CLHC1: variants seen among roughly 807,000 people sequenced by gnomAD.
CLHC1 encodes clathrin heavy chain linker domain-containing protein 1.
In CLHC1, 72 loss-of-function variants were observed where a neutral mutation model predicts 69.5. That is an observed-to-expected ratio of 1.04 (90% CI 0.86 to 1.26). The LOEUF is 1.26. CLHC1 is among the 50% of genes most tolerant of loss of function. The probability of loss-of-function intolerance (pLI) is 0.00; values close to 1 mark genes in which losing one functional copy is unlikely to be tolerated. For synonymous variants in CLHC1, 223 were observed against 224.3 expected (o/e 0.99, Z 0.05); for missense variants, 790 against 679.3 (o/e 1.16, Z -1.81).
At position 55,222,469 on chromosome 2, in the gene CLHC1, C is replaced by T. The variant is rs1674228693; in HGVS notation, c.-58G>A. On this transcript the variant is annotated 5_prime_UTR_variant, in exon 3 of 13. Transcript: ENST00000401408. ...ACAGCTAAATCTTGACCTGCTCTTGCAACAAAGCCAAAACTTTGATAAGCC... is the reference window on the plus strand; with the variant it reads ...ACAGCTAAATCTTGACCTGCTCTTGTAACAAAGCCAAAACTTTGATAAGCC... 4 of 1,319,200 alleles carry T rather than the reference C, an allele frequency of 3.0e-6. No homozygotes were observed. Among genetic ancestry groups the T allele is most frequent in the Non-Finnish European group, 4.1e-6 (4 of 964,996 alleles). 81.7% of individuals were successfully genotyped at this position (1,319,200 alleles called of 1,614,324 possible).
chr2:55,199,549 TATAG>T (rs1456340285), intron 9 of CLHC1, among the ~76,000 whole-genome samples: 1 of 152,028 alleles, frequency 6.6e-6, no homozygotes, highest in African/African-American at 2.4e-5. Flanking sequence ...TACAATAAGA[TATAG>T]ATAGAAACAA....
At chr2:55,196,181 G>T (rs944253907) in intron 9 of CLHC1, among the ~76,000 whole-genome samples, 17 of 152,188 alleles carry the variant, frequency 1.1e-4, no homozygotes, top group African/African-American at 4.1e-4. Context: ...CAGCAGGTTG[G>T]AATTTGAGTT....
At chr2:55,200,135 G>A (rs1671799864) in intron 9 of CLHC1, among the ~76,000 whole-genome samples, 1 of 149,470 alleles carries the variant, frequency 6.7e-6, no homozygotes, top group East Asian at 2.0e-4. Flanking sequence ...GAGTGAGATG[G>A]TAGGATCACT....
intron 10 of CLHC1, among the ~76,000 whole-genome samples, chr2:55,181,093 G>A (rs1387660901): frequency 1.3e-5 from 2 of 152,092 alleles, no homozygotes; most frequent in Non-Finnish European, 2.9e-5. Flanking sequence ...CGATTCTCCT[G>A]CCTCAGCTTC....
chr2:55,217,124 G>T (rs1320214043), intron 4 of CLHC1, among the ~76,000 whole-genome samples: 1 of 152,098 alleles, frequency 6.6e-6, no homozygotes, highest in Non-Finnish European at 1.5e-5. Context: ...GTACCTGGGA[G>T]GCAGAGGTGG....
At chr2:55,229,863 C>T (rs1385638585) in intron 1 of CLHC1, among the ~76,000 whole-genome samples, 2 of 152,180 alleles carry the variant, frequency 1.3e-5, no homozygotes. Context: ...CACCTGACGT[C>T]GGGAGTTCCA....
Position 55,174,222 on chromosome 2 carries a change from C to A in CLHC1, c.*1568G>T, listed in dbSNP as rs150677161. Among the ~76,000 whole-genome samples the A allele has an allele frequency of 6.6e-6, 1 of 152,026 alleles. No individual in the cohort carries two copies. Among genetic ancestry groups the A allele is most frequent in the African/African-American group, 2.4e-5 (1 of 41,366 alleles). ...CACATGTATTACTTTAAAAATGCTACGTTTTAGAAAGCTGAATTATAATTA... is the reference window on the plus strand; with the variant it reads ...CACATGTATTACTTTAAAAATGCTAAGTTTTAGAAAGCTGAATTATAATTA... On this transcript the variant is annotated 3_prime_UTR_variant, in exon 13 of 13. Transcript: ENST00000401408.
rs575598364 is a variant in CLHC1, at chr2:55,183,927, C to T, written c.1007-2183G>A. On this transcript the variant is annotated intron_variant, in intron 9 of 12. Coordinates refer to ENST00000401408, the MANE Select transcript of CLHC1 (RefSeq NM_152385.4). The stretch of plus-strand genomic sequence containing the variant: ...TCCCATTTAGATGGGACTACAGGTG[C>T]GTGCTACCACGCCCGGCTAATTTTT... Among the ~76,000 whole-genome samples, 8 of 152,024 alleles carry T rather than the reference C, an allele frequency of 5.3e-5. No individual in the cohort carries two copies. The South Asian group carries it at 6.2e-4, about 12-fold the overall frequency.
chr2:55,184,195 T>C (rs1324407113), intron 9 of CLHC1, among the ~76,000 whole-genome samples: 2 of 151,520 alleles, frequency 1.3e-5, no homozygotes, highest in Non-Finnish European at 2.9e-5. Flanking sequence ...AATCTTAACT[T>C]CCCAGGCTCA....
At chr2:55,205,905 A>AC (rs1558487823) in intron 9 of CLHC1, among the ~76,000 whole-genome samples, 1 of 151,962 alleles carries the variant, frequency 6.6e-6, no homozygotes, top group African/African-American at 2.4e-5. Context: ...AAAAAAAAAA[A>AC]AACTTACCAA....
intron 12 of CLHC1, 105 bp from the exon 13 acceptor site, chr2:55,176,091 T>G: frequency 1.1e-6 from 1 of 897,930 alleles, no homozygotes; most frequent in East Asian, 2.6e-5. Context: ...TCAGTTACTG[T>G]TAAACTCTAC....
chr2:55,182,612 C>G (rs775501381), intron 9 of CLHC1, among the ~76,000 whole-genome samples: 57 of 152,226 alleles, frequency 3.7e-4, no homozygotes, highest in Non-Finnish European at 5.4e-4. Flanking sequence ...GAGAGAACTA[C>G]TGGATATGGA....
intron 9 of CLHC1, among the ~76,000 whole-genome samples, chr2:55,189,687 A>C (rs1423726481): frequency 6.6e-6 from 1 of 152,172 alleles, no homozygotes; most frequent in African/African-American, 2.4e-5. Flanking sequence ...CTAGGGTAAG[A>C]GCTTCAGAGA....
At chr2:55,178,151 G>C (rs1172550320) in intron 11 of CLHC1, among the ~76,000 whole-genome samples, 1 of 152,162 alleles carries the variant, frequency 6.6e-6, no homozygotes, top group Non-Finnish European at 1.5e-5. Context: ...GAAAAGTGTA[G>C]TATTAGAGGT....
intron 2 of CLHC1, chr2:55,225,198 T>C (rs1674573757): frequency 6.6e-6 from 1 of 152,656 alleles, no homozygotes; most frequent in Non-Finnish European, 1.5e-5. Flanking sequence ...CACCTGCAGG[T>C]CCGTGTGGGG....
intron 11 of CLHC1, among the ~76,000 whole-genome samples, chr2:55,178,140 T>C (rs1197530641): frequency 1.3e-5 from 2 of 152,204 alleles, no homozygotes; most frequent in Admixed American, 1.3e-4. Context: ...TTTTCACATC[T>C]GAAAAGTGTA....
At chr2:55,176,644 T>A (rs1669414992) in intron 12 of CLHC1, among the ~76,000 whole-genome samples, 1 of 152,212 alleles carries the variant, frequency 6.6e-6, no homozygotes, top group African/African-American at 2.4e-5. Flanking sequence ...TTACCTGCAT[T>A]ACTTATGGTA....
intron 4 of CLHC1, among the ~76,000 whole-genome samples, chr2:55,217,546 AAAAAAAATATATATATATATATAT>A (rs1174282622): frequency 5.5e-4 from 43 of 77,934 alleles, no homozygotes; most frequent in African/African-American, 2.9e-3. Context: ...AAAAAAAAAA[AAAAAAAATATATATATATATATAT>A]ATATATATAT....
chr2:55,193,037 C>T (rs1164373990), intron 9 of CLHC1, among the ~76,000 whole-genome samples: 2 of 141,486 alleles, frequency 1.4e-5, no homozygotes, highest in Non-Finnish European at 3.1e-5. Context: ...ATTCCAGGTA[C>T]CCGCCACCAC....
Sources: gnomAD v4.1 joint callset for allele counts (sites outside exome capture counted in the v4.1 genomes callset) on GRCh38, gnomAD v4.1.1 for gene constraint, MANE v1.5 for transcripts, NCBI Gene and HGNC (gene_info 2026-07-23, HGNC 2026-07-21) for gene names.